GABRG3: variants seen among roughly 807,000 people sequenced by gnomAD.
GABRG3 encodes the protein gamma-aminobutyric acid type A receptor subunit gamma3.
A neutral mutation model predicts 48.8 loss-of-function variants in GABRG3; 25 were observed. The ratio of observed to expected loss-of-function variants is 0.51; its 90% CI spans 0.37 to 0.72. The LOEUF is 0.72. GABRG3 is among the 30% of genes least tolerant of loss of function. The probability of loss-of-function intolerance (pLI) is 0.00; values close to 1 mark genes in which losing one functional copy is unlikely to be tolerated. For synonymous variants in GABRG3, 227 were observed against 217.6 expected (o/e 1.04, Z -0.38); for missense variants, 394 against 577.9 (o/e 0.68, Z 3.26).
chr15:27,289,142 ATCT>A (rs1891715247), intron 3 of GABRG3, among the ~76,000 whole-genome samples: 3 of 152,052 alleles, frequency 2.0e-5, no homozygotes, highest in South Asian at 2.1e-4. Context: ...CCTAGACAAG[ATCT>A]TCTTCATATT....
intron 5 of GABRG3, among the ~76,000 whole-genome samples, chr15:27,372,144 C>T (rs190318780): frequency 1.3e-5 from 2 of 152,024 alleles, no homozygotes; most frequent in Non-Finnish European, 2.9e-5. Flanking sequence ...AGCTTTAAGC[C>T]ATGTATGTTT....
intron 3 of GABRG3, among the ~76,000 whole-genome samples, chr15:27,030,043 C>A (rs1468465757): frequency 6.6e-6 from 1 of 152,096 alleles, no homozygotes; most frequent in Admixed American, 6.5e-5. Context: ...AAGTAGAGAA[C>A]TGACGGTGTA....
chr15:27,241,104 A>T (rs1595606856), intron 3 of GABRG3, among the ~76,000 whole-genome samples: 2 of 152,332 alleles, frequency 1.3e-5, no homozygotes, highest in East Asian at 3.9e-4. Flanking sequence ...AAGTGTTTTA[A>T]CACACAGTAA....
intron 2 of GABRG3, among the ~76,000 whole-genome samples, chr15:27,002,682 T>G (rs1895471463): frequency 7.1e-6 from 1 of 140,702 alleles, no homozygotes; most frequent in African/African-American, 2.7e-5. Context: ...GCCAGGGCAG[T>G]AGGATTGCTT....
At chr15:27,368,132 C>T (rs549405986) in intron 5 of GABRG3, among the ~76,000 whole-genome samples, 2 of 152,172 alleles carry the variant, frequency 1.3e-5, no homozygotes, top group Non-Finnish European at 2.9e-5. Context: ...AGGGCTGTTT[C>T]TTTTCTTCAT....
chr15:27,082,532 A>AC, intron 3 of GABRG3, among the ~76,000 whole-genome samples: 1 of 152,218 alleles, frequency 6.6e-6, no homozygotes, highest in African/African-American at 2.4e-5. Flanking sequence ...GCCCTGCATT[A>AC]AATGGAACCT....
chr15:27,398,314 T>C (rs987605205), intron 5 of GABRG3, among the ~76,000 whole-genome samples: 46 of 152,110 alleles, frequency 3.0e-4, no homozygotes, highest in Non-Finnish European at 5.3e-4. Context: ...TTTTCAGAGG[T>C]GGAGCTGAAG....
intron 2 of GABRG3, among the ~76,000 whole-genome samples, chr15:27,012,799 G>T (rs1895713408): frequency 6.6e-6 from 1 of 152,116 alleles, no homozygotes; most frequent in African/African-American, 2.4e-5. Flanking sequence ...TAAGAAAGTG[G>T]AGACTTTGTG....
At chr15:27,431,334 T>C (rs1029658404) in intron 5 of GABRG3, among the ~76,000 whole-genome samples, 6 of 152,222 alleles carry the variant, frequency 3.9e-5, no homozygotes, top group Non-Finnish European at 5.9e-5. Context: ...AGATTTTTCA[T>C]TGCTATTATA....
intron 3 of GABRG3, among the ~76,000 whole-genome samples, chr15:27,133,339 G>A (rs1595543113): frequency 6.6e-6 from 1 of 152,116 alleles, no homozygotes; most frequent in East Asian, 1.9e-4. Flanking sequence ...GAATGTTCGG[G>A]TTCTCCACTT....
chr15:27,441,781 A>G (rs1888793333), intron 5 of GABRG3, among the ~76,000 whole-genome samples: 1 of 152,088 alleles, frequency 6.6e-6, no homozygotes, highest in Admixed American at 6.5e-5. Context: ...ATGCCCACAC[A>G]GTCTACGGAG....
intron 3 of GABRG3, among the ~76,000 whole-genome samples, chr15:27,094,281 G>A (rs1019596318): frequency 6.6e-6 from 1 of 152,160 alleles, no homozygotes; most frequent in South Asian, 2.1e-4. Context: ...GAGACCAGGG[G>A]TCAGAAAGCC....
intron 3 of GABRG3, among the ~76,000 whole-genome samples, chr15:27,150,516 T>C (rs1204272757): frequency 6.6e-6 from 1 of 152,210 alleles, no homozygotes; most frequent in East Asian, 1.9e-4. Context: ...CGGGTTCCAT[T>C]GTCAAATAAT....
At chr15:27,204,274 A>C (rs1248932227) in intron 3 of GABRG3, among the ~76,000 whole-genome samples, 1 of 152,152 alleles carries the variant, frequency 6.6e-6, no homozygotes, top group African/African-American at 2.4e-5. Flanking sequence ...GTGGCTAGCA[A>C]GTTATCCTAA....
chr15:27,504,358 CT>C (rs1890714057), intron 6 of GABRG3, among the ~76,000 whole-genome samples: 1 of 151,706 alleles, frequency 6.6e-6, no homozygotes, highest in African/African-American at 2.4e-5. Context: ...TCGTAGTTAC[CT>C]TTTGAGATAA....
intron 5 of GABRG3, among the ~76,000 whole-genome samples, chr15:27,359,321 T>C (rs137947881): frequency 8.9e-4 from 136 of 152,368 alleles, no homozygotes; most frequent in African/African-American, 2.8e-3. Flanking sequence ...TGTTATGTCA[T>C]TAAAAATGAA....
chr15:27,264,945 C>G, intron 3 of GABRG3, among the ~76,000 whole-genome samples: 1 of 152,070 alleles, frequency 6.6e-6, no homozygotes, highest in Middle Eastern at 3.2e-3. Flanking sequence ...AAACAACCAA[C>G]TTCTTCAAAT....
intron 3 of GABRG3, among the ~76,000 whole-genome samples, chr15:27,313,256 G>A (rs1253979028): frequency 3.5e-4 from 20 of 57,460 alleles, no homozygotes; most frequent in African/African-American, 1.5e-3. Flanking sequence ...GTGTGTGTGT[G>A]TGTGTGTATA....
chr15:27,452,291 T>C (rs1259887804), intron 5 of GABRG3, among the ~76,000 whole-genome samples: 2 of 152,162 alleles, frequency 1.3e-5, no homozygotes. Context: ...GAATTGTAAA[T>C]TGATACAGCC....
Sources: gnomAD v4.1 joint callset for allele counts (sites outside exome capture counted in the v4.1 genomes callset) on GRCh38, gnomAD v4.1.1 for gene constraint, MANE v1.5 for transcripts, NCBI Gene and HGNC (gene_info 2026-07-23, HGNC 2026-07-21) for gene names.